Variants in RANBP2 observed in about 807,000 individuals in gnomAD.
RANBP2 encodes the protein RAN binding protein 2.
Under a neutral mutation model 303.6 loss-of-function variants are expected in RANBP2, and 57 were observed. The ratio of observed to expected loss-of-function variants is 0.19; its 90% CI spans 0.15 to 0.23. The LOEUF (loss-of-function observed/expected upper bound fraction) is 0.23, where lower values mean the gene tolerates loss of function less well. Ranked by LOEUF, RANBP2 falls within the 10% of genes least tolerant of loss-of-function variation. RANBP2 has a pLI of 1.00. For missense variants in RANBP2, 3,138 were observed against 3,780.8 expected (o/e 0.83, Z 4.46); for synonymous variants, 1,167 against 1,301.5 (o/e 0.90, Z 2.23).
the RANBP2 span, among the ~76,000 whole-genome samples, chr2:109,249,528 T>TTCCTTCC: frequency 9.6e-6 from 1 of 103,812 alleles, no homozygotes; most frequent in African/African-American, 4.0e-5. Flanking sequence ...TTTTTCTTTC[T>TTCCTTCC]TTCTTTCCTT....
chr2:109,020,818 A>G, the RANBP2 span, among the ~76,000 whole-genome samples: 1 of 152,262 alleles, frequency 6.6e-6, no homozygotes, highest in Non-Finnish European at 1.5e-5. Context: ...GTGAAAAGCT[A>G]TAGCATTTTG....
At chr2:108,723,639 G>A (rs1694464041) in intron 1 of RANBP2, among the ~76,000 whole-genome samples, 1 of 152,046 alleles carries the variant, frequency 6.6e-6, no homozygotes, top group Non-Finnish European at 1.5e-5. Context: ...ACTTTGGTTT[G>A]CCCCTCATTC....
At position 108,728,273 on chromosome 2, in the gene RANBP2, C is replaced by A. The variant is rs370145046; in HGVS notation, c.73-859C>A. 5.9e-5 allele frequency among the ~76,000 whole-genome samples: 9 copies of A among 152,100 alleles called. No homozygotes were observed. In the East Asian group the frequency reaches 7.7e-4, roughly 13 times the overall value. ...TTCTGTTGTCTGCTTGTCTTACTTT[C>A]TTGAATTTATTTTTTGTATGTTATG... On this transcript the variant is annotated intron_variant, in intron 1 of 28. Transcript: ENST00000283195.
chr2:109,674,836 A>C, the RANBP2 span, among the ~76,000 whole-genome samples: 5 of 152,056 alleles, frequency 3.3e-5, no homozygotes, highest in Non-Finnish European at 7.4e-5. Flanking sequence ...CTGAAACCAT[A>C]ATTTCTTCCA....
the RANBP2 span, chr2:109,128,974 AC>A: frequency 4.8e-6 from 2 of 420,790 alleles, no homozygotes; most frequent in Admixed American, 5.2e-5. Context: ...CTCCGCGCGC[AC>A]CCCCGCGCAC....
chr2:108,863,681 T>G, the RANBP2 span, among the ~76,000 whole-genome samples: 1 of 152,242 alleles, frequency 6.6e-6, no homozygotes, highest in Non-Finnish European at 1.5e-5. Context: ...TATTTTGTTA[T>G]GTTTATCATC....
the RANBP2 span, among the ~76,000 whole-genome samples, chr2:109,208,124 C>T: frequency 1.3e-5 from 2 of 152,284 alleles, no homozygotes; most frequent in African/African-American, 4.8e-5. Context: ...CTGCTGCCCC[C>T]ATGGGCTCAG....
the RANBP2 span, among the ~76,000 whole-genome samples, chr2:109,242,683 C>T: frequency 6.6e-6 from 1 of 152,178 alleles, no homozygotes; most frequent in Non-Finnish European, 1.5e-5. Flanking sequence ...CTTGGCCAGA[C>T]AGTCAGGACA....
the RANBP2 span, among the ~76,000 whole-genome samples, chr2:109,224,861 A>C: frequency 1.3e-5 from 2 of 152,184 alleles, no homozygotes; most frequent in Non-Finnish European, 2.9e-5. Flanking sequence ...TGTCTCAAAA[A>C]AATTTTTTTT....
At position 108,785,042 on chromosome 2, in the gene RANBP2, T is replaced by A. The variant is rs1678515048; in HGVS notation, c.*1141T>A. The stretch of plus-strand genomic sequence containing the variant: ...AAAGAATCCAGGTAGAACACAAAAT[T>A]TTGTATATTGCAATTATGAATATTG... On this transcript the variant is annotated 3_prime_UTR_variant, in exon 29 of 29. Transcript: ENST00000283195. The A allele has an allele frequency of 6.6e-6, 1 of 152,194 alleles. No homozygotes were observed. The highest frequency in any genetic ancestry group is 2.4e-5 in the African/African-American group (1 of 41,452). The allele number at this position is 152,194 out of a possible 1,614,324, so 9.4% of individuals were successfully genotyped here.
the RANBP2 span, among the ~76,000 whole-genome samples, chr2:109,136,669 A>G: frequency 6.6e-6 from 1 of 152,220 alleles, no homozygotes; most frequent in African/African-American, 2.4e-5. Flanking sequence ...CTTGGGTAGC[A>G]CGTGTTTACA....
chr2:108,856,671 C>T, the RANBP2 span: 1 of 857,526 alleles, frequency 1.2e-6, no homozygotes, highest in Non-Finnish European at 1.8e-6. Context: ...ACTGTGATCT[C>T]TTATTTAATT....
chr2:109,382,172 G>C, the RANBP2 span, among the ~76,000 whole-genome samples: 1 of 152,218 alleles, frequency 6.6e-6, no homozygotes, highest in Non-Finnish European at 1.5e-5. Context: ...AGGGAGTTTA[G>C]CAAGAGTGTG....
At chr2:109,068,830 G>A in the RANBP2 span, among the ~76,000 whole-genome samples, 1 of 152,160 alleles carries the variant, frequency 6.6e-6, no homozygotes. Context: ...CAAATATGAT[G>A]ATATGTCAAA....
chr2:109,621,563 CTTGAGAT>C, the RANBP2 span, among the ~76,000 whole-genome samples: 1 of 151,972 alleles, frequency 6.6e-6, no homozygotes, highest in Non-Finnish European at 1.5e-5. Flanking sequence ...ATTGAGCATT[CTTGAGAT>C]TTGTCCAGAA....
At chr2:109,596,649 C>T in the RANBP2 span, among the ~76,000 whole-genome samples, 8 of 151,772 alleles carry the variant, frequency 5.3e-5, no homozygotes, top group East Asian at 1.5e-3. Context: ...AAATTAGAGG[C>T]TTTATACTCA....
chr2:109,350,745 T>A, the RANBP2 span, among the ~76,000 whole-genome samples: 3 of 152,242 alleles, frequency 2.0e-5, no homozygotes, highest in Non-Finnish European at 1.5e-5. Context: ...AACCTCCATG[T>A]GAATCAGACC....
chr2:109,429,526 G>C, the RANBP2 span, among the ~76,000 whole-genome samples: 5 of 152,208 alleles, frequency 3.3e-5, no homozygotes, highest in African/African-American at 1.2e-4. Context: ...CCTACGCGTT[G>C]GCCACACCGG....
chr2:109,696,400 A>G, the RANBP2 span, among the ~76,000 whole-genome samples: 11,816 of 152,278 alleles, frequency 0.078, 965 homozygotes, highest in African/African-American at 0.21. Flanking sequence ...TGATTATTTC[A>G]TCACCATTTG....
Sources: gnomAD v4.1 joint callset for allele counts (sites outside exome capture counted in the v4.1 genomes callset) on GRCh38, gnomAD v4.1.1 for gene constraint, MANE v1.5 for transcripts, NCBI Gene and HGNC (gene_info 2026-07-23, HGNC 2026-07-21) for gene names.